DHX29: variants seen among roughly 807,000 people sequenced by gnomAD.
DHX29 encodes the protein ATP-dependent RNA helicase DHX29.
In DHX29, 79 loss-of-function variants were observed where a neutral mutation model predicts 167.9. The ratio of observed to expected loss-of-function variants is 0.47; its 90% CI spans 0.39 to 0.57. The LOEUF (loss-of-function observed/expected upper bound fraction) is 0.57. Ranked by LOEUF, DHX29 falls within the 20% of genes least tolerant of loss-of-function variation. The pLI, the probability that DHX29 is intolerant of heterozygous loss-of-function variation, is 0.00. For synonymous variants in DHX29, 530 were observed against 546.0 expected (o/e 0.97, Z 0.41); for missense variants, 1,347 against 1,593.4 (o/e 0.85, Z 2.63).
intron 16 of DHX29, 128 bp from the exon 17 acceptor site, chr5:55,273,505 C>A: frequency 8.6e-7 from 1 of 1,168,856 alleles, no homozygotes. Context: ...TAAACATACA[C>A]AAGTGTTTAC....
At chr5:55,295,212 G>A in intron 5 of DHX29, 167 bp downstream of exon 5, 1 of 594,910 alleles carries the variant, frequency 1.7e-6, no homozygotes, top group Non-Finnish European at 2.9e-6. Flanking sequence ...ATTTTGGAGT[G>A]GTTTGTTATA....
intron 6 of DHX29, among the ~76,000 whole-genome samples, chr5:55,290,660 T>C (rs1351909252): frequency 6.6e-6 from 1 of 152,190 alleles, no homozygotes; most frequent in Non-Finnish European, 1.5e-5. Context: ...ATGGAGAAAC[T>C]TCCTTGACAT....
chr5:55,299,658 C>G (rs1186151947), intron 1 of DHX29, among the ~76,000 whole-genome samples: 1 of 152,108 alleles, frequency 6.6e-6, no homozygotes, highest in Non-Finnish European at 1.5e-5. Context: ...CGGCCTTCTT[C>G]CCTTTCTCTG....
At chr5:55,275,488 G>A (rs1360494934) in intron 14 of DHX29, among the ~76,000 whole-genome samples, 2 of 151,704 alleles carry the variant, frequency 1.3e-5, no homozygotes, top group Non-Finnish European at 2.9e-5. Context: ...GGGGTTTTAG[G>A]GCAAGATTTT....
At chr5:55,270,219 C>CT (rs1746783087) in intron 20 of DHX29, among the ~76,000 whole-genome samples, 193 bp downstream of exon 20, 1 of 152,068 alleles carries the variant, frequency 6.6e-6, no homozygotes, top group Non-Finnish European at 1.5e-5. Context: ...GTATTTTAAT[C>CT]TATAAAGTGT....
chr5:55,277,669 G>A (rs1357074921), intron 12 of DHX29, among the ~76,000 whole-genome samples: 1 of 152,084 alleles, frequency 6.6e-6, no homozygotes, highest in Non-Finnish European at 1.5e-5. Flanking sequence ...ACTTTAGGAG[G>A]CCGACGCGGG....
In DHX29 at chr5:55,256,477, G is replaced by C. The variant is rs568096465; in HGVS notation, c.*11C>G. On this transcript the variant is annotated 3_prime_UTR_variant, in exon 27 of 27. Transcript: ENST00000251636. ...CTTAATTTTTAAAGCAGTTGACCAT[G>C]AATTTCAGTTTCAGTTATTCTCTGT... is the stretch of plus-strand genomic sequence containing the variant. 57 of 1,586,074 alleles carry C rather than the reference G, an allele frequency of 3.6e-5. 1 individual carries two copies. The South Asian group carries it at 6.7e-4, about 19-fold the overall frequency.
At chr5:55,267,878 A>C (rs1746659671) in intron 21 of DHX29, 56 bp from the exon 22 acceptor site, 1 of 1,355,150 alleles carries the variant, frequency 7.4e-7, no homozygotes, top group African/African-American at 1.5e-5. Flanking sequence ...AATACAGTGA[A>C]AGTTAACTTA....
intron 26 of DHX29, among the ~76,000 whole-genome samples, chr5:55,258,529 T>C (rs1396478407): frequency 2.0e-5 from 3 of 152,178 alleles, no homozygotes; most frequent in Non-Finnish European, 2.9e-5. Context: ...ACTGCCAGGA[T>C]GATTTTGATG....
intron 23 of DHX29, among the ~76,000 whole-genome samples, 176 bp downstream of exon 23, chr5:55,266,962 G>A (rs958280101): frequency 4.0e-5 from 6 of 151,750 alleles, no homozygotes; most frequent in Non-Finnish European, 8.8e-5. Context: ...AAATCACTGT[G>A]TAATACGTAC....
At chr5:55,286,601 G>A (rs1747743602) in intron 8 of DHX29, among the ~76,000 whole-genome samples, 1 of 152,108 alleles carries the variant, frequency 6.6e-6, no homozygotes, top group East Asian at 1.9e-4. Flanking sequence ...ACTATTCTTT[G>A]CCTATTTGTT....
intron 26 of DHX29, among the ~76,000 whole-genome samples, chr5:55,259,137 T>C (rs1405876913): frequency 1.3e-5 from 2 of 152,196 alleles, no homozygotes; most frequent in East Asian, 1.9e-4. Flanking sequence ...TATGACACCA[T>C]GTTTGGCTTA....
intron 26 of DHX29, among the ~76,000 whole-genome samples, chr5:55,258,567 T>G (rs1310331887): frequency 2.0e-5 from 3 of 152,200 alleles, no homozygotes; most frequent in African/African-American, 7.2e-5. Context: ...AACACTGCAC[T>G]GGGCAAACTG....
At chr5:55,268,741 T>C (rs1235259435) in intron 21 of DHX29, among the ~76,000 whole-genome samples, 1 of 151,940 alleles carries the variant, frequency 6.6e-6, no homozygotes, top group Admixed American at 6.6e-5. Flanking sequence ...TCAGACAGAT[T>C]TGAATTTGTT....
chr5:55,306,687 A>C (rs1189803166), intron 1 of DHX29, among the ~76,000 whole-genome samples: 3 of 152,220 alleles, frequency 2.0e-5, no homozygotes, highest in Admixed American at 1.3e-4. Context: ...TATTTCTTGA[A>C]TACTCCAATA....
At chr5:55,259,974 A>C (rs1746232629) in intron 25 of DHX29, 30 bp from the exon 26 acceptor site, 1 of 1,340,392 alleles carries the variant, frequency 7.5e-7, no homozygotes, top group Non-Finnish European at 1.1e-6. Context: ...AAATGGACAA[A>C]GTCAATCCAG....
intron 26 of DHX29, among the ~76,000 whole-genome samples, chr5:55,257,295 G>T (rs1052886225): frequency 2.0e-5 from 3 of 152,206 alleles, no homozygotes; most frequent in African/African-American, 7.2e-5. Flanking sequence ...GATACTCAGA[G>T]AATGCTGTCG....
intron 5 of DHX29, 140 bp downstream of exon 5, chr5:55,295,239 T>C (rs1302590245): frequency 1.1e-4 from 70 of 664,216 alleles, no homozygotes; most frequent in Non-Finnish European, 9.5e-5. Flanking sequence ...AAACAAGCAA[T>C]GATAGAAAAG....
At position 55,287,938 on chromosome 5, in the gene DHX29, GAA is replaced by G. The variant is rs1247600043; in HGVS notation, c.1066+1330_1066+1331del. ...CACTCCAGCCTGAGCTGGAAAAAAA[GAA>G]AAAAAAAAAAAAAAGAAAGAAAGAA... On this transcript the variant is annotated intron_variant, in intron 8 of 26. Coordinates refer to ENST00000251636, the MANE Select transcript of DHX29 (RefSeq NM_019030.4). Among the ~76,000 whole-genome samples the G allele has an allele frequency of 4.1e-3, 335 of 81,730 alleles. 2 individuals carry two copies. In the Middle Eastern group the frequency reaches 0.051, roughly 12 times the overall value. The allele number at this position is 81,730 out of a possible 152,430, so 53.6% of individuals were successfully genotyped here.
Sources: gnomAD v4.1 joint callset for allele counts (sites outside exome capture counted in the v4.1 genomes callset) on GRCh38, gnomAD v4.1.1 for gene constraint, MANE v1.5 for transcripts, NCBI Gene and HGNC (gene_info 2026-07-23, HGNC 2026-07-21) for gene names.